The following SEMA3A variants were observed in gnomAD, a reference collection of about 807,000 sequenced individuals.
SEMA3A encodes the protein semaphorin 3A.
Under a neutral mutation model 97.9 loss-of-function variants are expected in SEMA3A, and 29 were observed. The observed-to-expected ratio is 0.30, with a 90% confidence interval of 0.22 to 0.40. The LOEUF is 0.40. Among genes scored for constraint, SEMA3A ranks in the 10% least tolerant of loss-of-function variants. SEMA3A has a pLI of 1.00. For synonymous variants in SEMA3A, 321 were observed against 323.7 expected (o/e 0.99, Z 0.09); for missense variants, 763 against 951.3 (o/e 0.80, Z 2.60).
At chr7:84,381,308 A>C (rs1803253383) in intron 1 of SEMA3A, among the ~76,000 whole-genome samples, 1 of 152,162 alleles carries the variant, frequency 6.6e-6, no homozygotes, top group Non-Finnish European at 1.5e-5. Context: ...TTAGCCTAAA[A>C]AATTTAAGCT....
At chr7:84,442,801 A>AT (rs1411519914) in intron 1 of SEMA3A, among the ~76,000 whole-genome samples, 5 of 152,148 alleles carry the variant, frequency 3.3e-5, no homozygotes, top group Non-Finnish European at 5.9e-5. Context: ...GAAAATACTA[A>AT]TAAAAAGTCA....
intron 3 of SEMA3A, among the ~76,000 whole-genome samples, chr7:84,261,424 G>A (rs1176121128): frequency 6.6e-6 from 1 of 152,202 alleles, no homozygotes; most frequent in Non-Finnish European, 1.5e-5. Flanking sequence ...AAAAAAAGCT[G>A]TGGCCCTTTA....
At position 83,998,026 on chromosome 7, in the gene SEMA3A, G is replaced by A. The variant is rs1031414300; in HGVS notation, c.1452+3929C>T. On this transcript the variant is annotated intron_variant, in intron 12 of 16. Transcript: ENST00000265362. Reference sequence around the variant, plus strand: ...GCTGGAATTACAGGTGTGAGCCACTGCACAATATCTTAAATGCTACACAAA... The same window carrying A: ...GCTGGAATTACAGGTGTGAGCCACTACACAATATCTTAAATGCTACACAAA... 2.6e-5 allele frequency among the ~76,000 whole-genome samples: 4 copies of A among 151,966 alleles called. No homozygotes were observed. The South Asian group carries it at 8.3e-4, about 32-fold the overall frequency.
chr7:84,300,704 A>C (rs1349433857), intron 3 of SEMA3A, among the ~76,000 whole-genome samples: 1 of 152,160 alleles, frequency 6.6e-6, no homozygotes, highest in Non-Finnish European at 1.5e-5. Flanking sequence ...ACAAAGTACA[A>C]AGATACTTGA....
chr7:84,081,975 T>C (rs991064564), intron 4 of SEMA3A, among the ~76,000 whole-genome samples: 7 of 152,190 alleles, frequency 4.6e-5, no homozygotes, highest in African/African-American at 1.7e-4. Flanking sequence ...AATTATCAGA[T>C]TAACTAAAAG....
chr7:84,240,818 A>G (rs929615112), intron 3 of SEMA3A, among the ~76,000 whole-genome samples: 1 of 152,006 alleles, frequency 6.6e-6, no homozygotes, highest in African/African-American at 2.4e-5. Flanking sequence ...ATGTGTTCTC[A>G]TTGTTCATCT....
chr7:84,255,254 C>T (rs760666155), intron 3 of SEMA3A, among the ~76,000 whole-genome samples: 10 of 152,060 alleles, frequency 6.6e-5, no homozygotes, highest in Non-Finnish European at 1.0e-4. Context: ...TTGATAGCTG[C>T]GTATATATTA....
intron 1 of SEMA3A, among the ~76,000 whole-genome samples, chr7:84,472,464 T>C (rs1806180238): frequency 6.6e-6 from 1 of 152,192 alleles, no homozygotes; most frequent in Non-Finnish European, 1.5e-5. Flanking sequence ...TATTATATTA[T>C]GTGTATTGTA....
chr7:84,324,965 T>C (rs779269671), intron 2 of SEMA3A, among the ~76,000 whole-genome samples: 1 of 152,084 alleles, frequency 6.6e-6, no homozygotes, highest in Non-Finnish European at 1.5e-5. Context: ...AGACCTTACG[T>C]TCAAAAAGAA....
intron 2 of SEMA3A, among the ~76,000 whole-genome samples, chr7:84,367,090 T>C (rs1802865917): frequency 6.6e-6 from 1 of 151,342 alleles, no homozygotes; most frequent in African/African-American, 2.4e-5. Flanking sequence ...CTGAATCTGA[T>C]TCATAGACAG....
chr7:84,344,689 G>A (rs138471006), intron 2 of SEMA3A, among the ~76,000 whole-genome samples: 16 of 152,242 alleles, frequency 1.1e-4, no homozygotes, highest in African/African-American at 2.2e-4. Flanking sequence ...CTACTCAGGC[G>A]TGAGAGTAGA....
rs969231064 is a variant in SEMA3A, at chr7:83,958,304, C to T, written c.*3067G>A. ...TTTATGAGCTTATGTTCCTTAACAC[C>T]ATATGTTATAGGGAACAGTAAAGAC... On this transcript the variant is annotated 3_prime_UTR_variant, in exon 17 of 17. Transcript: ENST00000265362. The T allele has an allele frequency of 1.3e-5, 2 of 152,390 alleles. No homozygotes were observed. Among genetic ancestry groups the T allele is most frequent in the African/African-American group, 4.8e-5 (2 of 41,390 alleles). 9.4% of individuals were successfully genotyped at this position (152,390 alleles called of 1,614,324 possible).
chr7:84,273,266 T>C (rs1335636100), intron 3 of SEMA3A, among the ~76,000 whole-genome samples: 2 of 152,100 alleles, frequency 1.3e-5, no homozygotes, highest in Non-Finnish European at 2.9e-5. Context: ...AACCACATGC[T>C]AGGAATAGAA....
chr7:84,434,439 AAG>A (rs1805070739), intron 1 of SEMA3A, among the ~76,000 whole-genome samples: 1 of 152,172 alleles, frequency 6.6e-6, no homozygotes, highest in East Asian at 1.9e-4. Context: ...GACATATAAA[AAG>A]AGCTGGCACC....
At chr7:84,088,181 C>T (rs186868595) in intron 4 of SEMA3A, among the ~76,000 whole-genome samples, 9 of 152,186 alleles carry the variant, frequency 5.9e-5, no homozygotes, top group African/African-American at 1.9e-4. Flanking sequence ...GCTTGCCAGG[C>T]GCAGTGGCTC....
intron 4 of SEMA3A, among the ~76,000 whole-genome samples, chr7:84,095,153 G>A (rs1794718912): frequency 6.9e-6 from 1 of 145,798 alleles, no homozygotes; most frequent in African/African-American, 2.5e-5. Context: ...ATTATATATT[G>A]TATATATATT....
chr7:84,447,795 G>A (rs368962616), intron 1 of SEMA3A, among the ~76,000 whole-genome samples: 7 of 152,326 alleles, frequency 4.6e-5, no homozygotes, highest in South Asian at 2.1e-4. Context: ...GCCACGTTGC[G>A]GGCTATGAGG....
chr7:84,242,669 A>G (rs1562868136), intron 3 of SEMA3A, among the ~76,000 whole-genome samples: 2 of 152,136 alleles, frequency 1.3e-5, no homozygotes, highest in African/African-American at 2.4e-5. Flanking sequence ...TTCCAGTACT[A>G]TGTTGAATAG....
chr7:84,108,792 C>A, intron 4 of SEMA3A, among the ~76,000 whole-genome samples: 1 of 151,730 alleles, frequency 6.6e-6, no homozygotes. Context: ...GTAATCCCAG[C>A]TACTTGGGAG....
Sources: allele counts gnomAD v4.1 joint callset (sites outside exome capture counted in the v4.1 genomes callset), GRCh38; gene constraint gnomAD v4.1.1; transcripts MANE v1.5; gene names NCBI Gene and HGNC (gene_info 2026-07-23, HGNC 2026-07-21).